RB1: variants seen among roughly 807,000 people sequenced by gnomAD.
RB1 encodes the protein RB transcriptional corepressor 1.
Under a neutral mutation model 135.4 loss-of-function variants are expected in RB1, and 18 were observed. The ratio of observed to expected loss-of-function variants is 0.13; its 90% CI spans 0.09 to 0.20. The LOEUF (loss-of-function observed/expected upper bound fraction) is 0.20, where lower values mean the gene tolerates loss of function less well. RB1 is among the 10% of genes least tolerant of loss of function. The probability of loss-of-function intolerance (pLI) is 1.00; values close to 1 mark genes in which losing one functional copy is unlikely to be tolerated. For synonymous variants in RB1, 365 were observed against 373.2 expected (o/e 0.98, Z 0.25); for missense variants, 868 against 1,110.0 (o/e 0.78, Z 3.10).
rs780471724 is a variant in RB1 at position 48,411,681 on chromosome 13, T to C, written c.1695+30238T>C. 3.7e-6 allele frequency: 6 copies of C among 1,610,340 alleles called. No individual in the cohort carries two copies. In the East Asian group the frequency reaches 8.9e-5, roughly 24 times the overall value. On this transcript the variant is annotated intron_variant, in intron 17 of 26. Transcript: ENST00000267163. ...TCTCACAAGAGAATATAAAATAAGA[T>C]TGATATTGTAAGGAACAAAACAGAA...
chr13:48,471,986 C>G (rs1164747275), intron 23 of RB1, among the ~76,000 whole-genome samples: 1 of 152,158 alleles, frequency 6.6e-6, no homozygotes, highest in Non-Finnish European at 1.5e-5. Flanking sequence ...GTTTTAAATT[C>G]TCAGATGAAA....
intron 21 of RB1, among the ~76,000 whole-genome samples, 180 bp downstream of exon 21, chr13:48,464,015 A>T (rs1389128198): frequency 6.6e-6 from 1 of 152,198 alleles, no homozygotes; most frequent in Non-Finnish European, 1.5e-5. Context: ...AATTGGAAAG[A>T]TAAGGGTAAT....
intron 17 of RB1, chr13:48,412,462 C>T (rs1445064362): frequency 1.5e-6 from 2 of 1,333,312 alleles, no homozygotes; most frequent in Non-Finnish European, 1.1e-6. Context: ...GAAGCACTTT[C>T]ATCAGCTGCA....
chr13:48,360,311 T>C (rs974898160), intron 7 of RB1, 184 bp downstream of exon 7: 11 of 1,317,810 alleles, frequency 8.3e-6, no homozygotes, highest in Non-Finnish European at 1.1e-5. Context: ...ATGATTAGAG[T>C]ATATGGTAGA....
intron 17 of RB1, among the ~76,000 whole-genome samples, chr13:48,386,123 C>T (rs1948569896): frequency 6.7e-6 from 1 of 150,346 alleles, no homozygotes; most frequent in African/African-American, 2.4e-5. Context: ...TGAGGCAACA[C>T]AGCGAGACTC....
chr13:48,445,460 C>G, intron 17 of RB1, among the ~76,000 whole-genome samples: 1 of 152,144 alleles, frequency 6.6e-6, no homozygotes, highest in East Asian at 1.9e-4. Context: ...CTATCCCACC[C>G]GGGTACTTTA....
At position 48,319,249 on chromosome 13, in the gene RB1, C is replaced by A. The variant is rs1035410524; in HGVS notation, c.264+11843C>A. ...GTTTTCCTGTGGGTCTCGCGCAAGG[C>A]ACTTTTTTGTGGCGCTGCTTGTGCT... On this transcript the variant is annotated intron_variant, in intron 2 of 26. Transcript: ENST00000267163. The surrounding 1 kb of genome is among the most constrained non-coding windows in gnomAD (Gnocchi z 5.0). The A allele has an allele frequency of 2.1e-5, 17 of 813,688 alleles. No homozygotes were observed. Among genetic ancestry groups the A allele is most frequent in the Non-Finnish European group, 2.8e-5 (15 of 541,200 alleles). 50.4% of individuals were successfully genotyped at this position (813,688 alleles called of 1,614,324 possible).
intron 4 of RB1, 60 bp from the exon 5 acceptor site, chr13:48,347,765 A>G (rs1232580148): frequency 8.6e-7 from 1 of 1,168,162 alleles, no homozygotes; most frequent in East Asian, 2.4e-5. Context: ...GCATGAGAAA[A>G]CTACTATGAC....
chr13:48,333,980 A>C (rs913333349), intron 2 of RB1, among the ~76,000 whole-genome samples: 4 of 152,178 alleles, frequency 2.6e-5, no homozygotes, highest in Non-Finnish European at 5.9e-5. Context: ...ACTGAGTTCC[A>C]TAGGAGTTTT....
intron 11 of RB1, among the ~76,000 whole-genome samples, chr13:48,372,107 G>T (rs1031790285): frequency 1.3e-5 from 2 of 152,192 alleles, no homozygotes; most frequent in African/African-American, 4.8e-5. Flanking sequence ...TGCCAAAAAG[G>T]TTGGGGACTG....
At chr13:48,346,858 A>G (rs1229459670) in intron 4 of RB1, among the ~76,000 whole-genome samples, 1 of 152,048 alleles carries the variant, frequency 6.6e-6, no homozygotes, top group Non-Finnish European at 1.5e-5. Flanking sequence ...AGGAGGATGT[A>G]TTACCTTTCT....
At chr13:48,348,103 C>A (rs2138092204) in intron 5 of RB1, among the ~76,000 whole-genome samples, 1 of 152,070 alleles carries the variant, frequency 6.6e-6, no homozygotes, top group Non-Finnish European at 1.5e-5. Context: ...GACAGCATAT[C>A]ACCAACTCTG....
In RB1 at chr13:48,480,554, C is replaced by A. The variant is rs1202270604; in HGVS notation, c.*483C>A. On this transcript the variant is annotated 3_prime_UTR_variant, in exon 27 of 27. Transcript: ENST00000267163. ...TGCAATTTGATTGACTGCCCATTCA[C>A]CAAAATTATCCTGAACTCTTCTGCA... 1 of 227,266 alleles carries A rather than the reference C, an allele frequency of 4.4e-6. No individual in the cohort carries two copies. The highest frequency in any genetic ancestry group is 1.8e-4 in the South Asian group (1 of 5,568). 14.1% of individuals were successfully genotyped at this position (227,266 alleles called of 1,614,324 possible). A position where few individuals can be genotyped will look rare whatever the true frequency, so the allele number is the denominator to read the frequency against.
intron 2 of RB1, among the ~76,000 whole-genome samples, chr13:48,337,328 G>T (rs1952394516): frequency 6.6e-6 from 1 of 152,134 alleles, no homozygotes; most frequent in Non-Finnish European, 1.5e-5. Context: ...CTCTTTGTAG[G>T]TCTCTAAGGA....
intron 20 of RB1, among the ~76,000 whole-genome samples, chr13:48,461,473 A>G (rs1421162923): frequency 6.6e-6 from 1 of 152,168 alleles, no homozygotes; most frequent in East Asian, 1.9e-4. Flanking sequence ...TACCGTGAAC[A>G]TTCATGAACA....
chr13:48,450,777 G>T lies in RB1; in HGVS notation c.1696-2216G>T, dbSNP rs117028537. 0.012 allele frequency among the ~76,000 whole-genome samples: 1,759 copies of T among 152,226 alleles called. 67 individuals carry two copies. The East Asian group carries it at 0.12, about 10-fold the overall frequency. ...ATCTATAAATAACTTTGGGCTGTAT[G>T]GTCAGTCTTACAATATTGATTCTTT... On this transcript the variant is annotated intron_variant, in intron 17 of 26. Coordinates refer to ENST00000267163, the MANE Select transcript of RB1 (RefSeq NM_000321.3).
chr13:48,364,743 T>C (rs1952677315), intron 8 of RB1, 151 bp from the exon 9 acceptor site: 3 of 908,930 alleles, frequency 3.3e-6, no homozygotes, highest in Non-Finnish European at 4.6e-6. Flanking sequence ...ACCCCTTCTC[T>C]AAGAAAATAA....
At chr13:48,355,543 A>G (rs1162040869) in intron 6 of RB1, among the ~76,000 whole-genome samples, 1 of 152,098 alleles carries the variant, frequency 6.6e-6, no homozygotes, top group African/African-American at 2.4e-5. Context: ...TTGAGCTACC[A>G]TATTATCCAA....
intron 17 of RB1, among the ~76,000 whole-genome samples, chr13:48,445,460 C>A (rs954160422): frequency 6.6e-6 from 1 of 152,144 alleles, no homozygotes; most frequent in Admixed American, 6.5e-5. Context: ...CTATCCCACC[C>A]GGGTACTTTA....
Sources: gnomAD v4.1 joint callset for allele counts (sites outside exome capture counted in the v4.1 genomes callset) on GRCh38, gnomAD v4.1.1 for gene constraint, Gnocchi (gnomAD v3.1) non-coding constraint, MANE v1.5 for transcripts, NCBI Gene and HGNC (gene_info 2026-07-23, HGNC 2026-07-21) for gene names.